Variants in SMARCC1 observed in about 807,000 individuals in gnomAD.
The protein encoded by SMARCC1 is SWI/SNF related BAF chromatin remodeling complex subunit C1, also known as SWI/SNF complex subunit SMARCC1.
Under a neutral mutation model 147.4 loss-of-function variants are expected in SMARCC1, and 43 were observed. The ratio of observed to expected loss-of-function variants is 0.29; its 90% CI spans 0.23 to 0.38. The LOEUF (loss-of-function observed/expected upper bound fraction) is 0.38, where lower values mean the gene tolerates loss of function less well. Ranked by LOEUF, SMARCC1 falls within the 10% of genes least tolerant of loss-of-function variation. The pLI, the probability that SMARCC1 is intolerant of heterozygous loss-of-function variation, is 1.00. For missense variants in SMARCC1, 1,119 were observed against 1,381.1 expected (o/e 0.81, Z 3.01); for synonymous variants, 495 against 484.4 (o/e 1.02, Z -0.29).
chr3:47,676,852 G>A, intron 16 of SMARCC1, 70 bp from the exon 17 acceptor site: 1 of 1,356,376 alleles, frequency 7.4e-7, no homozygotes, highest in Non-Finnish European at 1.0e-6. Context: ...TCATCATCAT[G>A]CCATTAAAAA....
rs1553693293 is a variant in SMARCC1 at position 47,778,212 on chromosome 3, A to AAAAAAAAAAAAAAC, written c.195+3390_195+3391insGTTTTTTTTTTTTT. Reference sequence around the variant, plus strand: ...TCTCAAAAAAAAAAAACAAAAAACAAAAAACAAAAAAAACACTGACTCCTA... The same window carrying AAAAAAAAAAAAAAC: ...TCTCAAAAAAAAAAAACAAAAAACAAAAAAAAAAAAAAACAAAACAAAAAAAACACTGACTCCTA... On this transcript the variant is annotated intron_variant, in intron 1 of 27. Transcript: ENST00000254480. Among the ~76,000 whole-genome samples the AAAAAAAAAAAAAAC allele has an allele frequency of 1.2e-3, 147 of 121,290 alleles. 6 individuals carry two copies. The highest frequency in any genetic ancestry group is 4.7e-3 in the Middle Eastern group (1 of 214). The allele number at this position is 121,290 out of a possible 152,430, so 79.6% of individuals were successfully genotyped here. A position where few individuals can be genotyped will look rare whatever the true frequency, so the allele number is the denominator to read the frequency against.
At chr3:47,724,853 AGT>A (rs1451694885) in intron 6 of SMARCC1, among the ~76,000 whole-genome samples, 1 of 152,094 alleles carries the variant, frequency 6.6e-6, no homozygotes, top group African/African-American at 2.4e-5. Context: ...TGAGCCCAGG[AGT>A]TTGAAACCAG....
chr3:47,734,202 C>CT (rs1355279433), intron 5 of SMARCC1, among the ~76,000 whole-genome samples: 1 of 152,074 alleles, frequency 6.6e-6, no homozygotes, highest in Non-Finnish European at 1.5e-5. Context: ...TCCACATATA[C>CT]TTTAAACTGC....
At chr3:47,756,773 T>C (rs1020672229) in intron 2 of SMARCC1, among the ~76,000 whole-genome samples, 14 of 152,290 alleles carry the variant, frequency 9.2e-5, no homozygotes, top group Admixed American at 2.0e-4. Context: ...ACAAACCATA[T>C]GACCCAAAAG....
intron 24 of SMARCC1, among the ~76,000 whole-genome samples, chr3:47,624,987 G>A (rs2032787970): frequency 3.3e-5 from 5 of 150,626 alleles, no homozygotes; most frequent in South Asian, 2.1e-4. Context: ...CCAAGATTGC[G>A]CCACAGCACT....
intron 1 of SMARCC1, among the ~76,000 whole-genome samples, chr3:47,773,716 G>A (rs572801805): frequency 6.0e-4 from 91 of 151,908 alleles, no homozygotes; most frequent in Non-Finnish European, 5.1e-4. Flanking sequence ...TGCAACCTCC[G>A]CCTCCAGAGT....
chr3:47,736,208 C>T (rs2034441330), intron 4 of SMARCC1, 82 bp from the exon 5 acceptor site: 4 of 722,408 alleles, frequency 5.5e-6, no homozygotes, highest in South Asian at 3.7e-5. Context: ...CAAACCACCC[C>T]CAGATAACCT....
At chr3:47,635,785 G>A (rs1158025370) in intron 23 of SMARCC1, among the ~76,000 whole-genome samples, 1 of 152,138 alleles carries the variant, frequency 6.6e-6, no homozygotes, top group Non-Finnish European at 1.5e-5. Context: ...AAGTCTGTGA[G>A]GTGACTTCAA....
intron 1 of SMARCC1, 69 bp downstream of exon 1, chr3:47,781,534 C>T: frequency 8.3e-7 from 1 of 1,208,684 alleles, no homozygotes; most frequent in Non-Finnish European, 1.1e-6. Flanking sequence ...GCCCGAGGCC[C>T]GCGAGGCCAG....
intron 2 of SMARCC1, among the ~76,000 whole-genome samples, chr3:47,771,384 G>C (rs188854192): frequency 6.6e-6 from 1 of 152,290 alleles, no homozygotes; most frequent in Non-Finnish European, 1.5e-5. Flanking sequence ...TATGAGGAAA[G>C]ATATGACAGA....
At chr3:47,756,650 G>C (rs144254031) in intron 2 of SMARCC1, among the ~76,000 whole-genome samples, 1 of 151,918 alleles carries the variant, frequency 6.6e-6, no homozygotes, top group African/African-American at 2.4e-5. Context: ...AATGGTCCAC[G>C]GGTCAAATGT....
chr3:47,708,947 A>G (rs2034050885), intron 9 of SMARCC1, among the ~76,000 whole-genome samples: 1 of 152,078 alleles, frequency 6.6e-6, no homozygotes, highest in African/African-American at 2.4e-5. Context: ...GTCATTTAAT[A>G]TTTTTGTTTC....
At position 47,714,473 on chromosome 3, in the gene SMARCC1, T is replaced by C; in HGVS notation, c.734A>G (p.His245Arg). 3.8e-6 allele frequency: 6 copies of C among 1,571,600 alleles called. No homozygotes were observed. The highest frequency in any genetic ancestry group is 1.1e-5 in the South Asian group (1 of 89,172). The stretch of plus-strand genomic sequence containing the variant: ...AATTTCAGCATCAACATCATTACTA[T>C]GGACCCAAGTATCATAGCTATAAAG... ...FYPDSYDTWV[H>R]SNDVDAEIED... Residue 245 changes from histidine (H) to arginine (R), a missense_variant, in exon 8 of 28, where the codon CAT becomes CGT. Coordinates refer to ENST00000254480, the MANE Select transcript of SMARCC1 (RefSeq NM_003074.4).
chr3:47,763,278 T>A (rs1390551326), intron 2 of SMARCC1, among the ~76,000 whole-genome samples: 1 of 149,686 alleles, frequency 6.7e-6, no homozygotes, highest in Non-Finnish European at 1.5e-5. Context: ...TCCCAAAACG[T>A]TAGGATTACA....
chr3:47,728,077 C>CATTT (rs1376111109), intron 6 of SMARCC1, among the ~76,000 whole-genome samples: 1 of 59,682 alleles, frequency 1.7e-5, no homozygotes, highest in Non-Finnish European at 3.5e-5. Context: ...CTTATTAGTC[C>CATTT]CTTTTTTTTT....
At chr3:47,709,580 G>A (rs913670034) in intron 9 of SMARCC1, among the ~76,000 whole-genome samples, 4 of 152,024 alleles carry the variant, frequency 2.6e-5, no homozygotes, top group African/African-American at 4.8e-5. Context: ...CAACTACTTG[G>A]GAGGCTGAGG....
Position 47,772,922 on chromosome 3 carries a change from A to G in SMARCC1, c.210T>C (p.Asp70=). 6.2e-7 allele frequency: 1 copy of G among 1,613,254 alleles called. No individual in the cohort carries two copies. The highest frequency in any genetic ancestry group is 8.5e-7 in the Non-Finnish European group (1 of 1,179,588). ...GKHYKKYVHA[D]APTNKTLAGL... is the part of the protein sequence containing the mutation. ...CAGCCAGTGTTTTATTGGTAGGAGC[A>G]TCCGCATGAACATACTGCAAGATAA... Residue 70 remains aspartate (D), a synonymous_variant, in exon 2 of 28, where the codon GAT becomes GAC. Transcript: ENST00000254480.
At chr3:47,647,287 A>G (rs981775573) in intron 21 of SMARCC1, among the ~76,000 whole-genome samples, 1 of 152,192 alleles carries the variant, frequency 6.6e-6, no homozygotes, top group Non-Finnish European at 1.5e-5. Flanking sequence ...GAATATCCAC[A>G]TGATCATTCT....
chr3:47,780,128 A>C (rs1045865568), intron 1 of SMARCC1, among the ~76,000 whole-genome samples: 1 of 151,708 alleles, frequency 6.6e-6, no homozygotes, highest in African/African-American at 2.4e-5. Context: ...AAAAACAAGA[A>C]AGAAAGAAAT....
Sources: allele counts gnomAD v4.1 joint callset (sites outside exome capture counted in the v4.1 genomes callset), GRCh38; gene constraint gnomAD v4.1.1; transcripts MANE v1.5; gene names NCBI Gene and HGNC (gene_info 2026-07-23, HGNC 2026-07-21).